RPS6KC1: variants seen among roughly 807,000 people sequenced by gnomAD.
RPS6KC1 encodes the protein inactive ribosomal protein S6 kinase delta-1.
Under a neutral mutation model 103.8 loss-of-function variants are expected in RPS6KC1, and 54 were observed. The observed-to-expected ratio is 0.52, with a 90% CI of 0.42 to 0.65. The LOEUF is 0.65. Ranked by LOEUF, RPS6KC1 falls within the 30% of genes least tolerant of loss-of-function variation. The probability of loss-of-function intolerance (pLI) is 0.00; values close to 1 mark genes in which losing one functional copy is unlikely to be tolerated. For synonymous variants in RPS6KC1, 439 were observed against 438.7 expected (o/e 1.00, Z -0.01); for missense variants, 1,151 against 1,253.8 (o/e 0.92, Z 1.24).
chr1:213,711,806 A>C, the RPS6KC1 span, among the ~76,000 whole-genome samples: 1 of 151,916 alleles, frequency 6.6e-6, no homozygotes, highest in Non-Finnish European at 1.5e-5. Flanking sequence ...CTGGAGGTCC[A>C]CTCCATATCC....
At chr1:213,858,330 C>G in the RPS6KC1 span, among the ~76,000 whole-genome samples, 1 of 152,074 alleles carries the variant, frequency 6.6e-6, no homozygotes, top group Non-Finnish European at 1.5e-5. Flanking sequence ...AGTGACTAAC[C>G]CAGCAAGTGG....
intron 4 of RPS6KC1, among the ~76,000 whole-genome samples, chr1:213,109,593 A>G (rs2082823911): frequency 1.3e-5 from 2 of 152,082 alleles, no homozygotes; most frequent in South Asian, 4.1e-4. Flanking sequence ...TTAATGGTTC[A>G]TTCATGTTGT....
At chr1:213,453,653 C>T in the RPS6KC1 span, among the ~76,000 whole-genome samples, 1 of 152,066 alleles carries the variant, frequency 6.6e-6, no homozygotes, top group African/African-American at 2.4e-5. Flanking sequence ...CAGGAAGGGT[C>T]TTGTAGAAAT....
chr1:213,748,677 G>T, the RPS6KC1 span, among the ~76,000 whole-genome samples: 1 of 152,308 alleles, frequency 6.6e-6, no homozygotes, highest in East Asian at 1.9e-4. Context: ...AAATAATGAT[G>T]CTGGGCTATA....
the RPS6KC1 span, among the ~76,000 whole-genome samples, chr1:213,543,144 C>T: frequency 7.2e-5 from 11 of 152,272 alleles, no homozygotes; most frequent in East Asian, 1.9e-4. Context: ...AAAGTGGTTA[C>T]GGATGAGCCT....
chr1:213,156,357 T>C (rs2089886288), intron 6 of RPS6KC1, among the ~76,000 whole-genome samples: 1 of 152,152 alleles, frequency 6.6e-6, no homozygotes, highest in African/African-American at 2.4e-5. Context: ...AGGACTTCAC[T>C]GAACTATAGA....
chr1:213,662,603 C>G, the RPS6KC1 span, among the ~76,000 whole-genome samples: 5 of 152,160 alleles, frequency 3.3e-5, no homozygotes, highest in South Asian at 1.0e-3. Context: ...CAAAGCATGA[C>G]TTTAATCATA....
At chr1:213,175,066 A>C (rs1573017464) in intron 7 of RPS6KC1, among the ~76,000 whole-genome samples, 1 of 152,202 alleles carries the variant, frequency 6.6e-6, no homozygotes, top group South Asian at 2.1e-4. Flanking sequence ...ATTGAAAAGA[A>C]TTAGAATTGC....
At chr1:213,516,271 A>G in the RPS6KC1 span, among the ~76,000 whole-genome samples, 1 of 152,090 alleles carries the variant, frequency 6.6e-6, no homozygotes, top group Non-Finnish European at 1.5e-5. Flanking sequence ...ACTATGTTGA[A>G]TAGGAGTGGT....
intron 6 of RPS6KC1, among the ~76,000 whole-genome samples, chr1:213,140,298 T>G (rs2086859973): frequency 6.6e-6 from 1 of 152,112 alleles, no homozygotes; most frequent in Non-Finnish European, 1.5e-5. Flanking sequence ...ATGATTTGAC[T>G]TCCTCTCTTC....
chr1:213,334,741 A>G, the RPS6KC1 span, among the ~76,000 whole-genome samples: 2 of 152,160 alleles, frequency 1.3e-5, no homozygotes, highest in Admixed American at 1.3e-4. Context: ...TCCTGGCCCT[A>G]AGGTATATAT....
chr1:213,080,297 G>A, intron 3 of RPS6KC1, among the ~76,000 whole-genome samples: 1 of 152,012 alleles, frequency 6.6e-6, no homozygotes, highest in Admixed American at 6.6e-5. Flanking sequence ...TGTTTACCCT[G>A]TTTCTCTGTA....
At chr1:213,802,474 C>G in the RPS6KC1 span, among the ~76,000 whole-genome samples, 2 of 152,310 alleles carry the variant, frequency 1.3e-5, no homozygotes, top group African/African-American at 2.4e-5. Flanking sequence ...AGAAAATGAA[C>G]TTGACCTCCA....
At chr1:213,730,405 C>A in the RPS6KC1 span, among the ~76,000 whole-genome samples, 1 of 152,164 alleles carries the variant, frequency 6.6e-6, no homozygotes, top group Non-Finnish European at 1.5e-5. Context: ...TATAGATGTT[C>A]CTTTTCTCCA....
chr1:213,336,582 T>C, the RPS6KC1 span, among the ~76,000 whole-genome samples: 1 of 152,224 alleles, frequency 6.6e-6, no homozygotes. Flanking sequence ...TTTGTTTGGC[T>C]CTTTATATAT....
the RPS6KC1 span, among the ~76,000 whole-genome samples, chr1:213,397,247 G>A: frequency 6.6e-6 from 1 of 152,070 alleles, no homozygotes; most frequent in African/African-American, 2.4e-5. Context: ...GCGTTTGGCA[G>A]AAGACTACCC....
the RPS6KC1 span, among the ~76,000 whole-genome samples, chr1:213,829,839 G>A: frequency 6.6e-5 from 10 of 152,136 alleles, no homozygotes; most frequent in Non-Finnish European, 1.3e-4. Flanking sequence ...TACTCAGAAT[G>A]CCATACCATT....
chr1:213,223,097 C>T (rs112853652), intron 8 of RPS6KC1, among the ~76,000 whole-genome samples: 280 of 152,210 alleles, frequency 1.8e-3, no homozygotes, highest in African/African-American at 6.5e-3. Flanking sequence ...ATGTGAATTA[C>T]GGGGAGCATG....
chr1:213,439,599 A>T, the RPS6KC1 span, among the ~76,000 whole-genome samples: 1 of 152,224 alleles, frequency 6.6e-6, no homozygotes, highest in African/African-American at 2.4e-5. Flanking sequence ...GGCAGGAAGC[A>T]GGATTGAAAA....
Sources: allele counts gnomAD v4.1 joint callset (sites outside exome capture counted in the v4.1 genomes callset), GRCh38; gene constraint gnomAD v4.1.1; transcripts MANE v1.5; gene names NCBI Gene and HGNC (gene_info 2026-07-23, HGNC 2026-07-21).